The following LBHD1 variants were observed in gnomAD, a reference collection of about 807,000 sequenced individuals.
LBHD1 encodes LBH domain-containing protein 1.
LBHD1 carries 28 observed loss-of-function variants against 31.1 expected under a neutral mutation model. The observed-to-expected ratio is 0.90, with a 90% CI of 0.67 to 1.24. The LOEUF is 1.24. LBHD1 is among the 50% of genes most tolerant of loss of function. The pLI is 0.00. For missense variants in LBHD1, 350 were observed against 323.0 expected (o/e 1.08, Z -0.64); for synonymous variants, 105 against 116.5 (o/e 0.90, Z 0.63).
chr11:62,664,984 G>T lies in LBHD1; in HGVS notation c.539-11C>A. On this transcript the variant is annotated splice_polypyrimidine_tract_variant and intron_variant, in intron 4 of 6. Coordinates refer to ENST00000354588, the MANE Select transcript of LBHD1 (RefSeq NM_024099.5). The stretch of plus-strand genomic sequence containing the variant: ...CTTCTTCTTCAGCTCCTGCCGGGGA[G>T]AAAGATGCGAATCAGATGGAGTGGG... 1 of 1,609,314 alleles carries T rather than the reference G, an allele frequency of 6.2e-7. No individual in the cohort carries two copies. Among genetic ancestry groups the T allele is most frequent in the Non-Finnish European group, 8.5e-7 (1 of 1,179,802 alleles).
intron 4 of LBHD1, chr11:62,665,554 C>G: frequency 6.4e-7 from 1 of 1,569,910 alleles, no homozygotes; most frequent in Non-Finnish European, 8.6e-7. Flanking sequence ...GTTCTATCCT[C>G]AAACGCCGGG....
intron 4 of LBHD1, chr11:62,665,687 G>A: frequency 6.9e-7 from 1 of 1,457,664 alleles, no homozygotes. Flanking sequence ...TCCCGCTGCA[G>A]CCAATAAAGG....
At chr11:62,669,077 CG>C (rs1297277420) in intron 3 of LBHD1, among the ~76,000 whole-genome samples, 1 of 151,706 alleles carries the variant, frequency 6.6e-6, no homozygotes, top group Non-Finnish European at 1.5e-5. Context: ...CCCGCCACCA[CG>C]CCCGGCTAAT....
intron 4 of LBHD1, chr11:62,667,221 AGAGT>A: frequency 1.4e-6 from 1 of 698,568 alleles, no homozygotes; most frequent in Non-Finnish European, 2.4e-6. Flanking sequence ...ACTCATCTGC[AGAGT>A]GAGAATAACT....
At chr11:62,665,297 C>G (rs568224619) in intron 4 of LBHD1, 1 of 717,212 alleles carries the variant, frequency 1.4e-6, no homozygotes, top group East Asian at 2.7e-5. Context: ...AAAGGAGCTC[C>G]GCGGTGCGGG....
At position 62,663,314 on chromosome 11, in the gene LBHD1, T is replaced by C. The variant is rs748796273; in HGVS notation, c.683A>G (p.His228Arg). ...QEAGVQCTCQ[H>R]YTVREEAQKT... ...CTGCGCTTCTTCCCTGACAGTGTAA[T>C]GTTGGCACGTGCACTGGACCTGATG... is the stretch of plus-strand genomic sequence containing the variant. The change falls in exon 6 of 7, where the codon CAT (histidine) becomes CGT (arginine). Residue 228 changes from histidine to arginine, a missense_variant. Transcript: ENST00000354588. 6 of 1,614,170 alleles carry C rather than the reference T, an allele frequency of 3.7e-6. No individual in the cohort carries two copies. Among genetic ancestry groups the C allele is most frequent in the Admixed American group, 1.7e-5 (1 of 60,000 alleles).
Position 62,666,647 on chromosome 11 carries a change from G to A in LBHD1, c.538+876C>T, listed in dbSNP as rs759348507. 1.5e-5 allele frequency: 25 copies of A among 1,614,160 alleles called. No individual in the cohort carries two copies. The highest frequency in any genetic ancestry group is 2.1e-5 in the Non-Finnish European group (25 of 1,180,040). ...ACACCCAGTGGATGTGCTGGGGGTG[G>A]ACTTTTCTCCTGTGGCTGTGGCCCA... On this transcript the variant is annotated intron_variant, in intron 4 of 6. Transcript: ENST00000354588.
At chr11:62,668,365 C>T (rs1944873940) in intron 3 of LBHD1, 1 of 151,794 alleles carries the variant, frequency 6.6e-6, no homozygotes, top group Admixed American at 6.6e-5. Context: ...ACCTGTAGCC[C>T]CAGCTACTCA....
rs375694374 is a variant in LBHD1 at position 62,671,959 on chromosome 11, C to T, written c.-406G>A. 3.3e-5 allele frequency: 54 copies of T among 1,613,786 alleles called. No individual in the cohort carries two copies. Among genetic ancestry groups the T allele is most frequent in the Non-Finnish European group, 4.4e-5 (52 of 1,179,988 alleles). On this transcript the variant is annotated 5_prime_UTR_variant, in exon 1 of 7. Coordinates refer to ENST00000354588, the MANE Select transcript of LBHD1 (RefSeq NM_024099.5). ...CTCCCCTTCCTGCCCTCAGGAGATG[C>T]CACTGCAGGACCCAAGGAGCAGGGA...
At chr11:62,670,998 T>G in intron 1 of LBHD1, 1 of 244,124 alleles carries the variant, frequency 4.1e-6, no homozygotes, top group South Asian at 4.3e-5. Flanking sequence ...ATCCGGGAGG[T>G]TGAGGCAGGA....
chr11:62,667,769 G>C, intron 3 of LBHD1, 22 bp from the exon 4 acceptor site: 1 of 1,497,282 alleles, frequency 6.7e-7, no homozygotes, highest in Non-Finnish European at 9.2e-7. Flanking sequence ...GAAGAGAGGG[G>C]ACAAAAATAT....
chr11:62,665,892 C>T, intron 4 of LBHD1: 3 of 1,613,494 alleles, frequency 1.9e-6, no homozygotes, highest in Non-Finnish European at 1.7e-6. Flanking sequence ...GGCCGCGCTG[C>T]GTCGAATGCT....
In LBHD1 at chr11:62,667,642, TCAAGAATCCAA is replaced by T. The variant is rs1279047228; in HGVS notation, c.408_418del (p.Cys136Ter). 6.2e-7 allele frequency: 1 copy of T among 1,614,160 alleles called. No individual in the cohort carries two copies. The highest frequency in any genetic ancestry group is 2.2e-5 in the East Asian group (1 of 44,886). On this transcript the variant is annotated stop_gained and frameshift_variant, in exon 4 of 7. Coordinates refer to ENST00000354588, the MANE Select transcript of LBHD1 (RefSeq NM_024099.5). LOFTEE classifies it high-confidence loss of function. ...GGTGGCTTCCAGACATGCTGTGTCC[TCAAGAATCCAA>T]CAAGCATCTTCTTCATCCTGGTCCT...
rs1184501945 is a variant in LBHD1, at chr11:62,669,677, C to T, written c.277G>A (p.Ala93Thr). 6.2e-7 allele frequency: 1 copy of T among 1,614,172 alleles called. No homozygotes were observed. Among genetic ancestry groups the T allele is most frequent in the Non-Finnish European group, 8.5e-7 (1 of 1,180,004 alleles). The change falls in exon 3 of 7, where the codon GCT becomes ACT. Residue 93 changes from alanine (A) to threonine (T), a missense_variant. Ala to Thr is a moderately conservative substitution (Grantham distance 58, BLOSUM62 0). Coordinates refer to ENST00000354588, the MANE Select transcript of LBHD1 (RefSeq NM_024099.5). Reference sequence around the variant, plus strand: ...CTTTGGTCTTGGAAGAAGGCCTCAGCATCCTCTTCCTCACCATCAGTGAGC... The same window carrying T: ...CTTTGGTCTTGGAAGAAGGCCTCAGTATCCTCTTCCTCACCATCAGTGAGC... ...LLLTDGEEEDAEAFFQDQSEE... is the reference protein window; with the variant it reads ...LLLTDGEEEDTEAFFQDQSEE...
chr11:62,668,086 C>A (rs891161359), intron 3 of LBHD1: 4 of 222,428 alleles, frequency 1.8e-5, no homozygotes, highest in Non-Finnish European at 2.7e-5. Flanking sequence ...AAAAATAGAG[C>A]AATTATATCA....
At chr11:62,670,176 A>ATTTTCCCCTGCCCT in intron 1 of LBHD1, 135 bp from the exon 2 acceptor site, 1 of 871,204 alleles carries the variant, frequency 1.1e-6, no homozygotes, top group Non-Finnish European at 1.7e-6. Context: ...CTTTCAGGGG[A>ATTTTCCCCTGCCCT]GGGGAAAATG....
Position 62,664,922 on chromosome 11 carries a change from G to A in LBHD1, c.590C>T (p.Ala197Val). 2 of 1,604,222 alleles carry A rather than the reference G, an allele frequency of 1.2e-6. No individual in the cohort carries two copies. The highest frequency in any genetic ancestry group is 1.7e-6 in the Non-Finnish European group (2 of 1,175,740). Residue 197 changes from alanine to valine, a missense_variant, in exon 5 of 7, where the codon GCG (alanine) becomes GTG (valine). Physicochemically the swap from Ala to Val is moderately conservative, Grantham distance 64. Transcript: ENST00000354588. ...QTPAGVESGAASEAPGGRGCD... is the reference protein window; with the variant it reads ...QTPAGVESGAVSEAPGGRGCD... ...GCCCCGACCACCCGGTGCCTCAGAC[G>A]CCGCTCCCGATTCAACACCCGCCGG...
At position 62,664,082 on chromosome 11, in the gene LBHD1, G is replaced by GAA. The variant is rs71056540; in HGVS notation, c.664-751_664-750dup. On this transcript the variant is annotated intron_variant, in intron 5 of 6. Coordinates refer to ENST00000354588, the MANE Select transcript of LBHD1 (RefSeq NM_024099.5). ...AGGGAGACTCTGTCTCAAAAAAGAG[G>GAA]AAAAAAAAAAAAAAAAAAAAAAAGG... is the stretch of plus-strand genomic sequence containing the variant. Among the ~76,000 whole-genome samples the GAA allele has an allele frequency of 4.2e-4, 28 of 65,902 alleles. 1 individual carries two copies. Among genetic ancestry groups the GAA allele is most frequent in the Admixed American group, 7.7e-4 (4 of 5,170 alleles). 43.2% of individuals were successfully genotyped at this position (65,902 alleles called of 152,430 possible). A position where few individuals can be genotyped will look rare whatever the true frequency, so the allele number is the denominator to read the frequency against.
intron 4 of LBHD1, chr11:62,665,593 G>A (rs769379100): frequency 2.6e-6 from 4 of 1,568,006 alleles, no homozygotes; most frequent in East Asian, 2.3e-5. Context: ...AAGGACAACC[G>A]AGATCCAGCT....
Sources: allele counts gnomAD v4.1 joint callset (sites outside exome capture counted in the v4.1 genomes callset), GRCh38; gene constraint gnomAD v4.1.1; transcripts MANE v1.5; gene names NCBI Gene and HGNC (gene_info 2026-07-23, HGNC 2026-07-21).